The following UBR3 variants were observed in gnomAD, a reference collection of about 807,000 sequenced individuals.
UBR3 encodes ubiquitin protein ligase E3 component n-recognin 3.
Under a neutral mutation model 243.2 loss-of-function variants are expected in UBR3, and 85 were observed. That is an observed-to-expected ratio of 0.35 (90% CI 0.29 to 0.42). The LOEUF (loss-of-function observed/expected upper bound fraction) is 0.42, where lower values mean the gene tolerates loss of function less well. Ranked by LOEUF, UBR3 falls within the 10% of genes least tolerant of loss-of-function variation. The probability of loss-of-function intolerance (pLI) is 1.00; values close to 1 mark genes in which losing one functional copy is unlikely to be tolerated. For missense variants in UBR3, 1,686 were observed against 2,300.8 expected (o/e 0.73, Z 5.47); for synonymous variants, 748 against 799.8 (o/e 0.94, Z 1.09).
Position 169,937,999 on chromosome 2 carries a change from T to A in UBR3, c.2664-4494T>A, listed in dbSNP as rs16857300. Reference sequence around the variant, plus strand: ...ATACTTATATGATGATTTTAATCTCTCATCCTCATATCCTCAATTGTACTT... The same window carrying A: ...ATACTTATATGATGATTTTAATCTCACATCCTCATATCCTCAATTGTACTT... On this transcript the variant is annotated intron_variant, in intron 19 of 38. Coordinates refer to ENST00000272793, the MANE Select transcript of UBR3 (RefSeq NM_172070.4). Among the ~76,000 whole-genome samples the A allele has an allele frequency of 4.5e-3, 691 of 152,298 alleles. 6 individuals are homozygous for A. Among genetic ancestry groups the A allele is most frequent in the African/African-American group, 0.016 (650 of 41,564 alleles).
rs2091315650 is a variant in UBR3, at chr2:170,055,596, T to C, written c.4785+12T>C. ...GAGCTCTCAAAAAGGTTAGGCTCTTTCTAAATTTGTCATTTAGCAGGTAGG... is the reference window on the plus strand; with the variant it reads ...GAGCTCTCAAAAAGGTTAGGCTCTTCCTAAATTTGTCATTTAGCAGGTAGG... On this transcript the variant is annotated intron_variant, in intron 33 of 38. Transcript: ENST00000272793. 6.2e-7 allele frequency: 1 copy of C among 1,611,818 alleles called. No individual in the cohort carries two copies. The highest frequency in any genetic ancestry group is 2.2e-5 in the East Asian group (1 of 44,776).
intron 1 of UBR3, among the ~76,000 whole-genome samples, chr2:169,857,922 G>C (rs1009561374): frequency 1.4e-4 from 22 of 152,150 alleles, no homozygotes; most frequent in African/African-American, 4.3e-4. Context: ...TTTAAGTTAC[G>C]TTTATTGAGA....
chr2:170,011,219 A>G (rs140509327), intron 29 of UBR3, among the ~76,000 whole-genome samples: 1 of 152,050 alleles, frequency 6.6e-6, no homozygotes, highest in Non-Finnish European at 1.5e-5. Flanking sequence ...AATTAACAAC[A>G]TATATTGAAG....
intron 32 of UBR3, among the ~76,000 whole-genome samples, chr2:170,045,887 A>G (rs916034184): frequency 6.6e-6 from 1 of 152,130 alleles, no homozygotes; most frequent in African/African-American, 2.4e-5. Context: ...TCGTGAACAC[A>G]ATTAAAAATG....
chr2:169,874,211 C>G (rs2083524644), intron 2 of UBR3, among the ~76,000 whole-genome samples: 1 of 151,778 alleles, frequency 6.6e-6, no homozygotes, highest in African/African-American at 2.4e-5. Flanking sequence ...TCTTATTGCC[C>G]AGGCTGGAGT....
chr2:169,828,739 C>T (rs2081830532), intron 1 of UBR3, among the ~76,000 whole-genome samples: 1 of 152,118 alleles, frequency 6.6e-6, no homozygotes, highest in South Asian at 2.1e-4. Flanking sequence ...ACCCTCCATA[C>T]CAGGAGAACA....
chr2:170,006,932 A>C (rs149287263), intron 27 of UBR3, 58 bp from the exon 28 acceptor site: 7 of 1,457,798 alleles, frequency 4.8e-6, no homozygotes, highest in African/African-American at 1.4e-5. Flanking sequence ...GGGTGGTATA[A>C]TTTTTGTTTT....
intron 1 of UBR3, among the ~76,000 whole-genome samples, chr2:169,870,895 G>A (rs2083414725): frequency 6.6e-6 from 1 of 150,876 alleles, no homozygotes; most frequent in South Asian, 2.1e-4. Context: ...CTCAGGTGAT[G>A]CACCGGCCTT....
Position 169,838,385 on chromosome 2 carries a change from ATTTGTG to A in UBR3, c.545+10335_545+10340del, listed in dbSNP as rs1275724150. On this transcript the variant is annotated intron_variant, in intron 1 of 38. Transcript: ENST00000272793. ...AAGCTGGGAAGTCCAAGATTAAGGC[ATTTGTG>A]TGTGTGTGTGTGTGTGTGTGTGTGT... 5.6e-3 allele frequency among the ~76,000 whole-genome samples: 742 copies of A among 131,626 alleles called. 15 individuals carry two copies. Among genetic ancestry groups the A allele is most frequent in the African/African-American group, 0.02 (659 of 32,856 alleles). 86.4% of individuals were successfully genotyped at this position (131,626 alleles called of 152,430 possible).
chr2:169,943,849 G>A (rs960361421), intron 20 of UBR3, among the ~76,000 whole-genome samples: 1 of 152,010 alleles, frequency 6.6e-6, no homozygotes, highest in African/African-American at 2.4e-5. Context: ...ATTTAGTTAG[G>A]TAGGAATTTT....
intron 24 of UBR3, among the ~76,000 whole-genome samples, chr2:169,967,085 T>G (rs1306639629): frequency 1.3e-5 from 2 of 152,200 alleles, no homozygotes; most frequent in South Asian, 2.1e-4. Context: ...ATAGGTAGTA[T>G]TATCCCACAT....
intron 19 of UBR3, among the ~76,000 whole-genome samples, chr2:169,933,993 C>T (rs1343470204): frequency 3.3e-5 from 5 of 152,196 alleles, no homozygotes; most frequent in Non-Finnish European, 7.3e-5. Context: ...GGTTTCTTAA[C>T]TCCCTCTTTT....
Position 169,942,540 on chromosome 2 carries a change from A to G in UBR3, c.2711A>G (p.Lys904Arg). 6.4e-7 allele frequency: 1 copy of G among 1,550,394 alleles called. No homozygotes were observed. Among genetic ancestry groups the G allele is most frequent in the South Asian group, 1.2e-5 (1 of 83,950 alleles). Residue 904 changes from lysine (K) to arginine (R), a missense_variant, in exon 20 of 39, where the codon AAG (lysine) becomes AGG (arginine). Physicochemically the swap from Lys to Arg is conservative, Grantham distance 26 (BLOSUM62 2). Coordinates refer to ENST00000272793, the MANE Select transcript of UBR3 (RefSeq NM_172070.4). The stretch of plus-strand genomic sequence containing the variant: ...CCTGGAAATCCCTGGCCTCCATATA[A>G]GAAAAGGACATCACTCCATCCTAGC... ...KFPGNPWPPY[K>R]KRTSLHPSYK...
At chr2:169,939,245 C>T (rs897377848) in intron 19 of UBR3, among the ~76,000 whole-genome samples, 4 of 150,876 alleles carry the variant, frequency 2.7e-5, no homozygotes, top group African/African-American at 4.9e-5. Context: ...ATTCTTTTTT[C>T]CTCTATTACT....
intron 18 of UBR3, among the ~76,000 whole-genome samples, chr2:169,930,089 T>C (rs886533047): frequency 1.3e-5 from 2 of 152,122 alleles, no homozygotes; most frequent in African/African-American, 4.8e-5. Context: ...GGTGCTGTGG[T>C]GTAGTGCAGT....
intron 5 of UBR3, among the ~76,000 whole-genome samples, chr2:169,882,937 G>A (rs539062412): frequency 2.0e-4 from 30 of 152,224 alleles, no homozygotes; most frequent in Non-Finnish European, 3.7e-4. Context: ...AGTGAATGCC[G>A]TCTAGTTAGT....
intron 10 of UBR3, among the ~76,000 whole-genome samples, chr2:169,908,148 G>A (rs892177298): frequency 1.3e-5 from 2 of 151,946 alleles, no homozygotes; most frequent in African/African-American, 4.8e-5. Context: ...CTCTTTCTTT[G>A]GCATATGGTC....
At chr2:170,051,961 A>G (rs928404109) in intron 32 of UBR3, among the ~76,000 whole-genome samples, 1 of 151,628 alleles carries the variant, frequency 6.6e-6, no homozygotes, top group Non-Finnish European at 1.5e-5. Context: ...CTTTTTTCCC[A>G]TAGCTTTAAC....
intron 1 of UBR3, among the ~76,000 whole-genome samples, chr2:169,832,279 G>A (rs924031425): frequency 1.1e-4 from 17 of 152,156 alleles, no homozygotes; most frequent in African/African-American, 4.1e-4. Context: ...GGCTGGGCGC[G>A]GTGGCTCACG....
Sources: gnomAD v4.1 joint callset for allele counts (sites outside exome capture counted in the v4.1 genomes callset) on GRCh38, gnomAD v4.1.1 for gene constraint, MANE v1.5 for transcripts, NCBI Gene and HGNC (gene_info 2026-07-23, HGNC 2026-07-21) for gene names.